NEDD4L: variants seen among roughly 807,000 people sequenced by gnomAD.
NEDD4L encodes the protein E3 ubiquitin-protein ligase NEDD4-like.
NEDD4L carries 54 observed loss-of-function variants against 148.9 expected under a neutral mutation model. The ratio of observed to expected loss-of-function variants is 0.36; its 90% CI spans 0.29 to 0.45. NEDD4L has a LOEUF of 0.45. Ranked by LOEUF, NEDD4L falls within the 20% of genes least tolerant of loss-of-function variation. The pLI is 1.00. For missense variants in NEDD4L, 856 were observed against 1,233.8 expected (o/e 0.69, Z 4.59); for synonymous variants, 433 against 440.7 (o/e 0.98, Z 0.22).
intron 1 of NEDD4L, among the ~76,000 whole-genome samples, chr18:58,085,256 C>T (rs1418178775): frequency 6.6e-6 from 1 of 152,066 alleles, no homozygotes; most frequent in African/African-American, 2.4e-5. Flanking sequence ...GGAGATGCAT[C>T]GGTAAAGATG....
intron 2 of NEDD4L, among the ~76,000 whole-genome samples, chr18:58,201,748 A>T (rs1449685996): frequency 6.6e-6 from 1 of 152,172 alleles, no homozygotes; most frequent in African/African-American, 2.4e-5. Context: ...TTTTGGAAAG[A>T]GTATGGATAT....
At chr18:58,348,317 C>CTTTTTTTTTT (rs1203938472) in intron 16 of NEDD4L, among the ~76,000 whole-genome samples, 2 of 115,882 alleles carry the variant, frequency 1.7e-5, no homozygotes, top group African/African-American at 7.8e-5. Flanking sequence ...ATTTCTTTTT[C>CTTTTTTTTTT]TTTTTTTTCT....
chr18:58,345,096 G>A (rs981246088), intron 16 of NEDD4L, among the ~76,000 whole-genome samples: 2 of 152,214 alleles, frequency 1.3e-5, no homozygotes, highest in African/African-American at 2.4e-5. Context: ...TGTTTACCCA[G>A]ATACTTGTTA....
intron 22 of NEDD4L, among the ~76,000 whole-genome samples, chr18:58,368,926 G>A (rs78840856): frequency 1.3e-5 from 2 of 152,198 alleles, no homozygotes; most frequent in East Asian, 3.8e-4. Flanking sequence ...CAGAAGGTCA[G>A]TTTAGTCACC....
At chr18:58,380,627 G>C (rs2048218751) in intron 24 of NEDD4L, among the ~76,000 whole-genome samples, 1 of 152,092 alleles carries the variant, frequency 6.6e-6, no homozygotes, top group Admixed American at 6.5e-5. Flanking sequence ...AGAATGTGCA[G>C]GTTTGTTACA....
intron 1 of NEDD4L, among the ~76,000 whole-genome samples, chr18:58,155,734 C>G (rs1430231693): frequency 6.6e-6 from 1 of 152,146 alleles, no homozygotes; most frequent in Non-Finnish European, 1.5e-5. Flanking sequence ...GGGTGAGCAT[C>G]ATTCATGGCG....
At chr18:58,233,714 C>T (rs1332203168) in intron 2 of NEDD4L, among the ~76,000 whole-genome samples, 1 of 152,176 alleles carries the variant, frequency 6.6e-6, no homozygotes, top group Non-Finnish European at 1.5e-5. Context: ...GTTTGCTAGG[C>T]CTGCCATGGC....
intron 2 of NEDD4L, among the ~76,000 whole-genome samples, chr18:58,226,691 A>G (rs545958184): frequency 1.3e-5 from 2 of 152,334 alleles, no homozygotes; most frequent in East Asian, 3.9e-4. Flanking sequence ...CAGTGCTAAT[A>G]GCCTCGGCTC....
At chr18:58,288,805 A>G (rs182882755) in intron 5 of NEDD4L, among the ~76,000 whole-genome samples, 1 of 152,328 alleles carries the variant, frequency 6.6e-6, no homozygotes, top group Non-Finnish European at 1.5e-5. Context: ...TGCTTCAAAA[A>G]AACTAAAAAG....
Position 58,322,482 on chromosome 18 carries a change from A to G in NEDD4L, c.406A>G (p.Arg136Gly), listed in dbSNP as rs1284355400. The change falls in exon 7 of 31, where the codon AGA (arginine) becomes GGA (glycine). Residue 136 changes from arginine (R) to glycine (G), a missense_variant. Arg to Gly is a moderately radical substitution (Grantham distance 125). Coordinates refer to ENST00000400345, the MANE Select transcript of NEDD4L (RefSeq NM_001144967.3). ...ATTTAAGGACTTTCTCCTCAGACCA[A>G]GAAGGTGAGGCTTGTGGGTATGGGT... Reference protein sequence around the residue: ...YTFKDFLLRPRSHKSRVKGFL... With the variant: ...YTFKDFLLRPGSHKSRVKGFL... The G allele has an allele frequency of 9.9e-7, 1 of 1,014,242 alleles. No individual in the cohort carries two copies. Among genetic ancestry groups the G allele is most frequent in the South Asian group, 1.3e-5 (1 of 79,726 alleles). 62.8% of individuals were successfully genotyped at this position (1,014,242 alleles called of 1,614,324 possible).
At chr18:58,069,144 A>T (rs2082749364) in intron 1 of NEDD4L, among the ~76,000 whole-genome samples, 1 of 151,134 alleles carries the variant, frequency 6.6e-6, no homozygotes, top group African/African-American at 2.4e-5. Context: ...TCCAAAAAAA[A>T]AAAAAAAAAA....
chr18:58,379,236 C>G (rs1286682900), intron 24 of NEDD4L, among the ~76,000 whole-genome samples: 3 of 152,234 alleles, frequency 2.0e-5, no homozygotes. Context: ...CGCTGTTTCT[C>G]CTTGGTCACT....
chr18:58,196,573 T>C (rs568836394), intron 2 of NEDD4L, among the ~76,000 whole-genome samples: 9 of 152,326 alleles, frequency 5.9e-5, no homozygotes, highest in East Asian at 5.8e-4. Flanking sequence ...CTGGCACTTA[T>C]GTTTTCCTTT....
At chr18:58,203,642 C>A (rs2041668471) in intron 2 of NEDD4L, among the ~76,000 whole-genome samples, 1 of 149,786 alleles carries the variant, frequency 6.7e-6, no homozygotes. Context: ...ACTATGTTAG[C>A]TATACCCAAA....
intron 1 of NEDD4L, among the ~76,000 whole-genome samples, chr18:58,076,646 G>T (rs1024771708): frequency 7.9e-5 from 12 of 152,106 alleles, no homozygotes; most frequent in Non-Finnish European, 1.6e-4. Context: ...GTGAGCCTGT[G>T]TCTTTCAGCG....
At chr18:58,151,311 C>G (rs958426278) in intron 1 of NEDD4L, among the ~76,000 whole-genome samples, 8 of 152,204 alleles carry the variant, frequency 5.3e-5, no homozygotes, top group African/African-American at 1.9e-4. Context: ...TCTGCCCACT[C>G]CCTCTACCTT....
intron 25 of NEDD4L, 122 bp downstream of exon 25, chr18:58,383,441 C>A: frequency 1.6e-6 from 1 of 631,548 alleles, no homozygotes; most frequent in Non-Finnish European, 2.8e-6. Flanking sequence ...CAGTTTTCAA[C>A]AAGGTAAGTT....
intron 18 of NEDD4L, among the ~76,000 whole-genome samples, chr18:58,354,048 A>G (rs908140139): frequency 2.6e-5 from 4 of 152,252 alleles, no homozygotes; most frequent in Non-Finnish European, 4.4e-5. Flanking sequence ...TTTAATTTCA[A>G]GAGCAACGAA....
rs538388484 is a variant in NEDD4L, at chr18:58,296,783, G to A, written c.298-19199G>A. Among the ~76,000 whole-genome samples, 10 of 152,312 alleles carry A rather than the reference G, an allele frequency of 6.6e-5. No homozygotes were observed. The South Asian group carries it at 1.2e-3, about 19-fold the overall frequency. ...CTAAAAATACAAAAATTAGCCGGGCGTGGTGGTACGCACCTATAATTCCAG... is the reference window on the plus strand; with the variant it reads ...CTAAAAATACAAAAATTAGCCGGGCATGGTGGTACGCACCTATAATTCCAG... On this transcript the variant is annotated intron_variant, in intron 5 of 30. Transcript: ENST00000400345.
Sources: gnomAD v4.1 joint callset for allele counts (sites outside exome capture counted in the v4.1 genomes callset) on GRCh38, gnomAD v4.1.1 for gene constraint, MANE v1.5 for transcripts, NCBI Gene and HGNC (gene_info 2026-07-23, HGNC 2026-07-21) for gene names.